GRM7: variants seen among roughly 807,000 people sequenced by gnomAD.
The protein encoded by GRM7 is glutamate metabotropic receptor 7.
In GRM7, 35 loss-of-function variants were observed where a neutral mutation model predicts 84.5. That is an observed-to-expected ratio of 0.41 (90% CI 0.32 to 0.55). The LOEUF (loss-of-function observed/expected upper bound fraction) is 0.55. GRM7 is among the 20% of genes least tolerant of loss of function. The probability of loss-of-function intolerance (pLI) is 0.19; values close to 1 mark genes in which losing one functional copy is unlikely to be tolerated. For synonymous variants in GRM7, 487 were observed against 455.1 expected, an observed-to-expected ratio of 1.07 and a Z score of -0.89; for missense variants, 1,003 against 1,194.6, an observed-to-expected ratio of 0.84 and a Z score of 2.36.
At chr3:7,039,131 T>G (rs771134823) in intron 1 of GRM7, among the ~76,000 whole-genome samples, 35 of 152,188 alleles carry the variant, frequency 2.3e-4, no homozygotes, top group Non-Finnish European at 4.3e-4. Flanking sequence ...GCAAAAACTT[T>G]TAGTTTGAGA....
At chr3:7,240,430 G>A (rs1174178942) in intron 2 of GRM7, among the ~76,000 whole-genome samples, 3 of 151,296 alleles carry the variant, frequency 2.0e-5, no homozygotes, top group Admixed American at 6.6e-5. Flanking sequence ...AATGACTTAC[G>A]GTTTGTGACC....
chr3:7,013,219 T>A (rs1485259241), intron 1 of GRM7, among the ~76,000 whole-genome samples: 1 of 152,120 alleles, frequency 6.6e-6, no homozygotes, highest in Non-Finnish European at 1.5e-5. Context: ...CAAAATTATA[T>A]TGCAAAAAGC....
At chr3:7,374,644 ATTTT>A (rs569869343) in intron 4 of GRM7, among the ~76,000 whole-genome samples, 4 of 131,022 alleles carry the variant, frequency 3.1e-5, no homozygotes, top group African/African-American at 5.6e-5. Context: ...ATACCTGGCC[ATTTT>A]TTTTTTTTTT....
At chr3:7,171,824 G>A (rs1694992402) in intron 2 of GRM7, among the ~76,000 whole-genome samples, 1 of 152,172 alleles carries the variant, frequency 6.6e-6, no homozygotes, top group African/African-American at 2.4e-5. Context: ...AATGCCAAGT[G>A]CATCACATGC....
At chr3:7,068,950 C>A (rs1301817818) in intron 1 of GRM7, among the ~76,000 whole-genome samples, 1 of 151,696 alleles carries the variant, frequency 6.6e-6, no homozygotes, top group African/African-American at 2.4e-5. Flanking sequence ...TTCTGCTTTT[C>A]TCAATGGACT....
chr3:7,032,599 C>A (rs1347447500), intron 1 of GRM7, among the ~76,000 whole-genome samples: 1 of 152,084 alleles, frequency 6.6e-6, no homozygotes, highest in Non-Finnish European at 1.5e-5. Context: ...GCGTTTTTTT[C>A]AGATAGGGGC....
chr3:7,243,845 T>G (rs1697655913), intron 2 of GRM7, among the ~76,000 whole-genome samples: 1 of 152,160 alleles, frequency 6.6e-6, no homozygotes, highest in Non-Finnish European at 1.5e-5. Context: ...AAACCTGTAT[T>G]GCATGTTATT....
At chr3:7,575,804 T>C (rs1225583391) in intron 7 of GRM7, among the ~76,000 whole-genome samples, 1 of 152,156 alleles carries the variant, frequency 6.6e-6, no homozygotes, top group East Asian at 1.9e-4. Context: ...AATTAAGTGA[T>C]CAGTCAATGT....
At chr3:6,935,282 C>T (rs994786754) in intron 1 of GRM7, among the ~76,000 whole-genome samples, 37 of 151,692 alleles carry the variant, frequency 2.4e-4, no homozygotes, top group African/African-American at 8.5e-4. Flanking sequence ...CTTATGTTCA[C>T]TTTATGACTA....
intron 7 of GRM7, among the ~76,000 whole-genome samples, chr3:7,495,582 C>T (rs1353273108): frequency 6.6e-6 from 1 of 151,970 alleles, no homozygotes; most frequent in South Asian, 2.1e-4. Flanking sequence ...CAGTATCTCT[C>T]AAGAGAAAAA....
At chr3:7,395,248 A>G (rs1695164105) in intron 4 of GRM7, among the ~76,000 whole-genome samples, 1 of 152,142 alleles carries the variant, frequency 6.6e-6, no homozygotes, top group South Asian at 2.1e-4. Flanking sequence ...AATTGTATCT[A>G]TGTATTCACA....
At chr3:7,173,819 T>C (rs1695061398) in intron 2 of GRM7, among the ~76,000 whole-genome samples, 1 of 152,218 alleles carries the variant, frequency 6.6e-6, no homozygotes. Flanking sequence ...GATAGTTTCC[T>C]CTTTAATAGC....
chr3:7,511,249 G>A (rs1700189281), intron 7 of GRM7, among the ~76,000 whole-genome samples: 1 of 152,074 alleles, frequency 6.6e-6, no homozygotes, highest in African/African-American at 2.4e-5. Context: ...CCTTGATTAA[G>A]GTCCCCATTA....
At chr3:7,183,281 G>T (rs1293923186) in intron 2 of GRM7, among the ~76,000 whole-genome samples, 3 of 152,186 alleles carry the variant, frequency 2.0e-5, no homozygotes, top group Non-Finnish European at 4.4e-5. Context: ...GTACAGGGGA[G>T]CAAAATAACT....
chr3:7,520,557 G>A (rs185542405), intron 7 of GRM7, among the ~76,000 whole-genome samples: 2 of 151,498 alleles, frequency 1.3e-5, no homozygotes, highest in Admixed American at 1.3e-4. Context: ...TGTTCATCAT[G>A]ATAAAATACC....
intron 1 of GRM7, among the ~76,000 whole-genome samples, chr3:6,927,354 G>C (rs1697333102): frequency 6.6e-6 from 1 of 151,998 alleles, no homozygotes; most frequent in Non-Finnish European, 1.5e-5. Flanking sequence ...CTTAAACTCA[G>C]GAGGCAGAAG....
At chr3:7,408,575 T>A (rs1695781685) in intron 4 of GRM7, among the ~76,000 whole-genome samples, 1 of 152,156 alleles carries the variant, frequency 6.6e-6, no homozygotes, top group South Asian at 2.1e-4. Flanking sequence ...TTAACTTCAA[T>A]TTACATCAGT....
chr3:7,290,235 T>C (rs758272244), intron 2 of GRM7, among the ~76,000 whole-genome samples: 1 of 152,178 alleles, frequency 6.6e-6, no homozygotes, highest in Non-Finnish European at 1.5e-5. Context: ...TCAAACTTAA[T>C]GGCAGCCTCA....
At chr3:7,610,403 A>G (rs1559437770) in intron 8 of GRM7, among the ~76,000 whole-genome samples, 1 of 152,210 alleles carries the variant, frequency 6.6e-6, no homozygotes, top group African/African-American at 2.4e-5. Flanking sequence ...CTAGTTAAAC[A>G]AAGTAATTAA....
Sources: gnomAD v4.1 joint callset for allele counts (sites outside exome capture counted in the v4.1 genomes callset) on GRCh38, gnomAD v4.1.1 for gene constraint, MANE v1.5 for transcripts, NCBI Gene and HGNC (gene_info 2026-07-23, HGNC 2026-07-21) for gene names.